Variants in KANSL1L observed in about 807,000 individuals in gnomAD.
The protein encoded by KANSL1L is KAT8 regulatory NSL complex subunit 1 like, also known as KAT8 regulatory NSL complex subunit 1-like protein.
In KANSL1L, 25 loss-of-function variants were observed where a neutral mutation model predicts 108.6. The ratio of observed to expected loss-of-function variants is 0.23; its 90% CI spans 0.17 to 0.32. The LOEUF (loss-of-function observed/expected upper bound fraction) is 0.32. Ranked by LOEUF, KANSL1L falls within the 10% of genes least tolerant of loss-of-function variation. The pLI, the probability that KANSL1L is intolerant of heterozygous loss-of-function variation, is 1.00. For synonymous variants in KANSL1L, 405 were observed against 395.1 expected, an observed-to-expected ratio of 1.03 and a Z score of -0.30; for missense variants, 1,137 against 1,125.7, an observed-to-expected ratio of 1.01 and a Z score of -0.14.
intron 6 of KANSL1L, among the ~76,000 whole-genome samples, chr2:210,061,090 A>G (rs2094415000): frequency 6.6e-6 from 1 of 152,224 alleles, no homozygotes; most frequent in African/African-American, 2.4e-5. Flanking sequence ...ATAACCTCTG[A>G]TCTAAGTGAT....
chr2:210,040,221 C>T (rs965455474), intron 8 of KANSL1L, 199 bp downstream of exon 8: 5 of 445,954 alleles, frequency 1.1e-5, no homozygotes, highest in Non-Finnish European at 4.0e-6. Context: ...TTCATAATTA[C>T]AATTCAATAG....
chr2:210,117,863 T>C (rs943999900), intron 3 of KANSL1L, among the ~76,000 whole-genome samples: 3 of 152,100 alleles, frequency 2.0e-5, no homozygotes, highest in Non-Finnish European at 2.9e-5. Flanking sequence ...GACTGTATTA[T>C]AAAAAAATAG....
intron 8 of KANSL1L, among the ~76,000 whole-genome samples, chr2:210,037,128 A>G (rs980670257): frequency 6.6e-6 from 1 of 152,160 alleles, no homozygotes; most frequent in Non-Finnish European, 1.5e-5. Context: ...CTAATAGCAT[A>G]TATTTTCATA....
intron 5 of KANSL1L, among the ~76,000 whole-genome samples, chr2:210,077,063 A>C (rs1292702464): frequency 6.6e-6 from 1 of 152,206 alleles, no homozygotes; most frequent in Admixed American, 6.5e-5. Flanking sequence ...TTGTGGATAA[A>C]GTAAATAATT....
At chr2:210,117,816 T>A (rs2094968959) in intron 3 of KANSL1L, among the ~76,000 whole-genome samples, 1 of 152,034 alleles carries the variant, frequency 6.6e-6, no homozygotes, top group South Asian at 2.1e-4. Flanking sequence ...CAATCTAAAA[T>A]CAATAAACAA....
intron 5 of KANSL1L, among the ~76,000 whole-genome samples, chr2:210,076,149 T>A (rs1401495137): frequency 6.6e-6 from 1 of 152,146 alleles, no homozygotes; most frequent in Non-Finnish European, 1.5e-5. Context: ...ACTAAAGTCA[T>A]CACTCCATTA....
chr2:210,040,989 C>T (rs1019162808), intron 7 of KANSL1L, among the ~76,000 whole-genome samples: 1 of 152,102 alleles, frequency 6.6e-6, no homozygotes, highest in Non-Finnish European at 1.5e-5. Flanking sequence ...CTTTTAACGT[C>T]TTGGGAGAAA....
At chr2:210,152,637 G>A (rs985428327) in intron 2 of KANSL1L, 1 of 152,196 alleles carries the variant, frequency 6.6e-6, no homozygotes, top group African/African-American at 2.4e-5. Context: ...ATATCTTACA[G>A]CTGACATTAT....
rs146168357 is a variant in KANSL1L, at chr2:210,168,274, T to C, written c.-30+2875A>G. On this transcript the variant is annotated intron_variant, in intron 1 of 14. Coordinates refer to ENST00000281772, the MANE Select transcript of KANSL1L (RefSeq NM_152519.4). ...ACAACCCTAAGCATAATTCTATACC[T>C]GAAGAAAGCAGCTCTCTGCCTCCTT... Among the ~76,000 whole-genome samples, 3 of 152,194 alleles carry C rather than the reference T, an allele frequency of 2.0e-5. No individual in the cohort carries two copies. In the East Asian group the frequency reaches 5.8e-4, roughly 29 times the overall value.
chr2:210,083,244 C>A (rs912732946), intron 5 of KANSL1L, among the ~76,000 whole-genome samples: 1 of 152,096 alleles, frequency 6.6e-6, no homozygotes, highest in African/African-American at 2.4e-5. Flanking sequence ...AACTTCTAGC[C>A]TCCAGAACTG....
intron 6 of KANSL1L, among the ~76,000 whole-genome samples, chr2:210,056,569 C>T (rs1370950981): frequency 6.6e-6 from 1 of 152,064 alleles, no homozygotes; most frequent in Admixed American, 6.5e-5. Flanking sequence ...CAGCCTCTGC[C>T]TCCCTGGTTC....
chr2:210,042,089 AC>A (rs2094170498), intron 7 of KANSL1L, among the ~76,000 whole-genome samples: 1 of 152,176 alleles, frequency 6.6e-6, no homozygotes, highest in Non-Finnish European at 1.5e-5. Context: ...CACCAATTCT[AC>A]CACTGTTCTT....
intron 12 of KANSL1L, among the ~76,000 whole-genome samples, chr2:210,026,857 G>A (rs146013889): frequency 0.014 from 2,200 of 152,020 alleles, 66 homozygotes; most frequent in African/African-American, 0.051. Context: ...TGCAAGCTCC[G>A]CCTCCCGGGT....
At chr2:210,079,646 A>ATATATATATGTATGTG (rs1559539677) in intron 5 of KANSL1L, among the ~76,000 whole-genome samples, 714 of 13,008 alleles carry the variant, frequency 0.055, 65 homozygotes, top group South Asian at 0.096. Flanking sequence ...ATATATATAT[A>ATATATATATGTATGTG]TATATATATA....
At chr2:210,069,697 G>T (rs2094492376) in intron 6 of KANSL1L, among the ~76,000 whole-genome samples, 1 of 150,744 alleles carries the variant, frequency 6.6e-6, no homozygotes, top group Non-Finnish European at 1.5e-5. Context: ...TGTGGCTCCT[G>T]GCATTCTTTT....
At chr2:210,100,189 C>T (rs2094780091) in intron 4 of KANSL1L, among the ~76,000 whole-genome samples, 1 of 151,978 alleles carries the variant, frequency 6.6e-6, no homozygotes, top group Admixed American at 6.6e-5. Flanking sequence ...GTGAAGTGCA[C>T]CTGCAAGGGA....
intron 1 of KANSL1L, among the ~76,000 whole-genome samples, chr2:210,165,771 G>C (rs887742957): frequency 6.6e-6 from 1 of 152,162 alleles, no homozygotes; most frequent in Non-Finnish European, 1.5e-5. Flanking sequence ...GTTACTATTA[G>C]TTGTTCTGAA....
intron 7 of KANSL1L, 79 bp downstream of exon 7, chr2:210,043,860 A>G: frequency 2.1e-6 from 2 of 967,826 alleles, no homozygotes; most frequent in Non-Finnish European, 3.0e-6. Flanking sequence ...AATAAGATTT[A>G]TTAGATTCTC....
intron 1 of KANSL1L, among the ~76,000 whole-genome samples, chr2:210,161,626 G>A (rs1329034947): frequency 6.6e-6 from 1 of 151,984 alleles, no homozygotes; most frequent in African/African-American, 2.4e-5. Context: ...ATTTAAAATA[G>A]AACTGTTGGG....
Sources: allele counts gnomAD v4.1 joint callset (sites outside exome capture counted in the v4.1 genomes callset), GRCh38; gene constraint gnomAD v4.1.1; transcripts MANE v1.5; gene names NCBI Gene and HGNC (gene_info 2026-07-23, HGNC 2026-07-21).